Variants in PTPRD observed in about 807,000 individuals in gnomAD.
PTPRD encodes protein tyrosine phosphatase receptor type D.
PTPRD carries 34 observed loss-of-function variants against 214.5 expected under a neutral mutation model. The observed-to-expected ratio is 0.16, with a 90% CI of 0.12 to 0.21. The LOEUF is 0.21. PTPRD is among the 10% of genes least tolerant of loss of function. The pLI, the probability that PTPRD is intolerant of heterozygous loss-of-function variation, is 1.00. For synonymous variants in PTPRD, 1,128 were observed against 845.7 expected (o/e 1.33, Z -5.79); for missense variants, 2,545 against 2,398.7 (o/e 1.06, Z -1.27).
At chr9:10,070,650 G>A (rs10958866) in intron 3 of PTPRD, among the ~76,000 whole-genome samples, 2 of 151,872 alleles carry the variant, frequency 1.3e-5, no homozygotes, top group Non-Finnish European at 2.9e-5. Flanking sequence ...ATTAATAACA[G>A]AAGTATTTAA....
chr9:10,074,689 T>G (rs998738268), intron 3 of PTPRD, among the ~76,000 whole-genome samples: 2 of 152,132 alleles, frequency 1.3e-5, no homozygotes, highest in African/African-American at 4.8e-5. Flanking sequence ...AGCTCTGATT[T>G]AGAGGAAAGA....
chr9:9,630,741 C>T (rs968903275), intron 7 of PTPRD, among the ~76,000 whole-genome samples: 3 of 151,990 alleles, frequency 2.0e-5, no homozygotes, highest in African/African-American at 7.3e-5. Flanking sequence ...TTATAATATT[C>T]ACATATTAAA....
chr9:9,448,798 A>G (rs1290549117), intron 8 of PTPRD, among the ~76,000 whole-genome samples: 1 of 152,080 alleles, frequency 6.6e-6, no homozygotes, highest in African/African-American at 2.4e-5. Flanking sequence ...CAGGGGGATT[A>G]AACACACACA....
intron 2 of PTPRD, among the ~76,000 whole-genome samples, chr9:10,424,997 T>G (rs1308448181): frequency 6.6e-6 from 1 of 152,034 alleles, no homozygotes; most frequent in African/African-American, 2.4e-5. Context: ...CAATGCAAAT[T>G]GTGCAGTTTC....
chr9:8,597,853 C>T (rs1038177895), intron 14 of PTPRD, among the ~76,000 whole-genome samples: 2 of 152,068 alleles, frequency 1.3e-5, no homozygotes, highest in Admixed American at 1.3e-4. Context: ...CAAGTATAAT[C>T]CACTATCCCA....
chr9:10,352,454 T>C (rs963522649), intron 2 of PTPRD, among the ~76,000 whole-genome samples: 5 of 152,046 alleles, frequency 3.3e-5, no homozygotes, highest in Non-Finnish European at 7.4e-5. Context: ...ATTAACATGA[T>C]TTATTGCTAT....
At chr9:9,652,008 T>G (rs974519081) in intron 7 of PTPRD, among the ~76,000 whole-genome samples, 11 of 150,986 alleles carry the variant, frequency 7.3e-5, no homozygotes, top group Non-Finnish European at 1.6e-4. Context: ...CTAATTTTTG[T>G]TTTTTTGTAT....
At chr9:10,371,888 T>G in intron 2 of PTPRD, among the ~76,000 whole-genome samples, 1 of 152,092 alleles carries the variant, frequency 6.6e-6, no homozygotes, top group East Asian at 1.9e-4. Flanking sequence ...AACAGCTGAT[T>G]GCATTTTGAT....
intron 10 of PTPRD, among the ~76,000 whole-genome samples, chr9:9,064,900 T>C (rs1365605194): frequency 6.6e-6 from 1 of 152,226 alleles, no homozygotes; most frequent in Non-Finnish European, 1.5e-5. Flanking sequence ...AATACAATGT[T>C]ATCCAATTTC....
At chr9:9,942,317 A>T (rs1394090282) in intron 4 of PTPRD, among the ~76,000 whole-genome samples, 7 of 152,206 alleles carry the variant, frequency 4.6e-5, no homozygotes, top group African/African-American at 1.7e-4. Context: ...ATATCAGTAA[A>T]TAAAAAGCAT....
chr9:8,920,513 G>T (rs2098820142), intron 11 of PTPRD, among the ~76,000 whole-genome samples: 1 of 152,022 alleles, frequency 6.6e-6, no homozygotes, highest in Non-Finnish European at 1.5e-5. Flanking sequence ...TGGCTTCCCT[G>T]GGCCACACTG....
At chr9:8,555,454 C>T (rs1258119425) in intron 14 of PTPRD, among the ~76,000 whole-genome samples, 1 of 152,194 alleles carries the variant, frequency 6.6e-6, no homozygotes, top group Non-Finnish European at 1.5e-5. Flanking sequence ...TAATCAACCA[C>T]ATGTTAGCTT....
chr9:10,109,021 T>A (rs1293213359), intron 3 of PTPRD, among the ~76,000 whole-genome samples: 1 of 152,112 alleles, frequency 6.6e-6, no homozygotes, highest in African/African-American at 2.4e-5. Flanking sequence ...ACGTTCACAC[T>A]TTAAGAATGA....
intron 14 of PTPRD, among the ~76,000 whole-genome samples, chr9:8,546,386 T>C (rs539745051): frequency 1.3e-5 from 2 of 152,360 alleles, no homozygotes; most frequent in South Asian, 2.1e-4. Flanking sequence ...TAAACATGCA[T>C]ATGATGCAGA....
chr9:10,490,918 A>G (rs2039993515), intron 2 of PTPRD, among the ~76,000 whole-genome samples: 1 of 152,212 alleles, frequency 6.6e-6, no homozygotes, highest in African/African-American at 2.4e-5. Flanking sequence ...AGAATAGGTT[A>G]TAAGTGGGGT....
At chr9:9,333,451 C>T (rs1193629971) in intron 9 of PTPRD, among the ~76,000 whole-genome samples, 1 of 145,504 alleles carries the variant, frequency 6.9e-6, no homozygotes. Flanking sequence ...ATATGGGCTA[C>T]TTGGAAACAA....
chr9:9,894,952 T>G (rs1160195872), intron 5 of PTPRD, among the ~76,000 whole-genome samples: 3 of 152,076 alleles, frequency 2.0e-5, no homozygotes, highest in Admixed American at 6.6e-5. Context: ...AGCCAAAAAT[T>G]CTTGTTTTCT....
At chr9:8,335,691 G>A (rs922899194) in intron 43 of PTPRD, among the ~76,000 whole-genome samples, 4 of 152,158 alleles carry the variant, frequency 2.6e-5, no homozygotes, top group African/African-American at 9.7e-5. Context: ...TAGGAAAAGA[G>A]GAAGTGAAAT....
intron 3 of PTPRD, among the ~76,000 whole-genome samples, chr9:10,060,776 T>TTTTC (rs759874831): frequency 0.031 from 4,116 of 132,152 alleles, 395 homozygotes; most frequent in East Asian, 0.039. Flanking sequence ...CAGGTCTTGC[T>TTTTC]TTTCTTTCTT....
Sources: allele counts gnomAD v4.1 joint callset (sites outside exome capture counted in the v4.1 genomes callset), GRCh38; gene constraint gnomAD v4.1.1; transcripts MANE v1.5; gene names NCBI Gene and HGNC (gene_info 2026-07-23, HGNC 2026-07-21).